NAV2: variants seen among roughly 807,000 people sequenced by gnomAD.
NAV2 encodes neuron navigator 2, also known as helicase, APC down-regulated 1.
NAV2 carries 54 observed loss-of-function variants against 223.2 expected under a neutral mutation model. The observed-to-expected ratio is 0.24, with a 90% confidence interval of 0.19 to 0.30. NAV2 has a LOEUF of 0.30. NAV2 is among the 10% of genes least tolerant of loss of function. The pLI is 1.00. For synonymous variants in NAV2, 1,279 were observed against 1,239.3 expected, an observed-to-expected ratio of 1.03 and a Z score of -0.67; for missense variants, 2,806 against 3,147.5, an observed-to-expected ratio of 0.89 and a Z score of 2.60.
At chr11:19,897,886 T>TATATATATA (rs1555129987) in intron 6 of NAV2, among the ~76,000 whole-genome samples, 16 of 120,674 alleles carry the variant, frequency 1.3e-4, no homozygotes, top group African/African-American at 5.4e-4. Context: ...GACCTGTGAT[T>TATATATATA]TATATATATA....
intron 1 of NAV2, among the ~76,000 whole-genome samples, chr11:19,527,525 C>G (rs2043879459): frequency 6.6e-6 from 1 of 152,126 alleles, no homozygotes; most frequent in Non-Finnish European, 1.5e-5. Context: ...AGGCACCAGT[C>G]CAATGAGCTT....
intron 5 of NAV2, among the ~76,000 whole-genome samples, chr11:19,880,934 A>G (rs550137996): frequency 1.3e-5 from 2 of 152,250 alleles, no homozygotes; most frequent in Non-Finnish European, 2.9e-5. Flanking sequence ...CTTTTAAGCC[A>G]CAAGACTTCA....
At chr11:20,075,393 T>TTTTG (rs965281711) in intron 22 of NAV2, among the ~76,000 whole-genome samples, 1 of 143,596 alleles carries the variant, frequency 7.0e-6, no homozygotes, top group South Asian at 2.5e-4. Context: ...CCAGCTAGTT[T>TTTTG]TTTGTTTGTT....
intron 1 of NAV2, among the ~76,000 whole-genome samples, chr11:19,783,271 T>C (rs1190714641): frequency 2.0e-5 from 3 of 152,214 alleles, no homozygotes; most frequent in East Asian, 1.9e-4. Context: ...ATCCAGTCCA[T>C]TGGTGGATGA....
chr11:19,566,937 A>G (rs12287567), intron 1 of NAV2, among the ~76,000 whole-genome samples: 2 of 152,146 alleles, frequency 1.3e-5, no homozygotes, highest in African/African-American at 4.8e-5. Context: ...ATTTGTTTGC[A>G]TTTATTTGTT....
chr11:19,872,453 G>A (rs1250657044), intron 4 of NAV2, among the ~76,000 whole-genome samples: 1 of 152,254 alleles, frequency 6.6e-6, no homozygotes, highest in Non-Finnish European at 1.5e-5. Flanking sequence ...GTGTGCTACT[G>A]CACATTACTG....
intron 1 of NAV2, among the ~76,000 whole-genome samples, chr11:19,821,764 G>A (rs974597869): frequency 6.6e-6 from 1 of 152,230 alleles, no homozygotes; most frequent in Non-Finnish European, 1.5e-5. Context: ...TGAGTGACAA[G>A]TGGCCAGCCC....
At chr11:19,991,306 G>A (rs2051308817) in intron 11 of NAV2, among the ~76,000 whole-genome samples, 1 of 151,816 alleles carries the variant, frequency 6.6e-6, no homozygotes, top group Non-Finnish European at 1.5e-5. Flanking sequence ...TTGCATTTTT[G>A]TAGAGACAGG....
At chr11:19,751,054 T>C (rs2053765414) in intron 1 of NAV2, among the ~76,000 whole-genome samples, 1 of 152,230 alleles carries the variant, frequency 6.6e-6, no homozygotes, top group Admixed American at 6.5e-5. Context: ...AGTGACATCA[T>C]GTTGCTAGCT....
intron 29 of NAV2, among the ~76,000 whole-genome samples, chr11:20,093,999 G>A (rs2061042258): frequency 6.6e-6 from 1 of 152,126 alleles, no homozygotes; most frequent in Non-Finnish European, 1.5e-5. Flanking sequence ...GTTTCAGACA[G>A]CTAGGGAACC....
chr11:19,734,835 G>A (rs1179762262), intron 1 of NAV2, among the ~76,000 whole-genome samples: 1 of 152,164 alleles, frequency 6.6e-6, no homozygotes, highest in Admixed American at 6.5e-5. Context: ...TCTTAGCCAA[G>A]TATGCCATGG....
At chr11:19,500,950 A>G (rs2042944991) in intron 1 of NAV2, among the ~76,000 whole-genome samples, 1 of 152,216 alleles carries the variant, frequency 6.6e-6, no homozygotes, top group Non-Finnish European at 1.5e-5. Flanking sequence ...GAAGTCTGAC[A>G]GCGTCTCACT....
chr11:20,019,008 A>T (rs2054257325), intron 11 of NAV2, among the ~76,000 whole-genome samples: 1 of 152,222 alleles, frequency 6.6e-6, no homozygotes, highest in South Asian at 2.1e-4. Context: ...AAGCCAGATC[A>T]CATCAGGGCT....
chr11:19,652,775 G>A (rs561318032), intron 1 of NAV2, among the ~76,000 whole-genome samples: 3 of 152,276 alleles, frequency 2.0e-5, no homozygotes, highest in East Asian at 3.9e-4. Context: ...AGCTTTTTTA[G>A]CATAAATGGA....
intron 3 of NAV2, among the ~76,000 whole-genome samples, chr11:19,845,881 G>A (rs1014874820): frequency 5.9e-5 from 9 of 152,208 alleles, no homozygotes; most frequent in African/African-American, 1.9e-4. Context: ...CAGTCACAGA[G>A]TGCCTACTAA....
In NAV2 at chr11:19,837,622, C is replaced by T. The variant is rs545595405; in HGVS notation, c.385+5021C>T. ...TATATGCCAGTCAGGGATGGAAAAC[C>T]TGAAACTAATCATAAGGAATCTCAG... On this transcript the variant is annotated intron_variant, in intron 2 of 37. Coordinates refer to ENST00000349880, the MANE Select transcript of NAV2 (RefSeq NM_145117.5). Among the ~76,000 whole-genome samples the T allele has an allele frequency of 1.5e-3, 234 of 152,144 alleles. 2 individuals carry two copies. The highest frequency in any genetic ancestry group is 5.3e-3 in the African/African-American group (220 of 41,502).
chr11:19,670,786 G>A (rs1030988214), intron 1 of NAV2, among the ~76,000 whole-genome samples: 3 of 152,218 alleles, frequency 2.0e-5, no homozygotes, highest in Non-Finnish European at 2.9e-5. Context: ...GAGCCCACAG[G>A]AAATTATTAA....
intron 3 of NAV2, among the ~76,000 whole-genome samples, chr11:19,854,978 C>A (rs1461479114): frequency 2.0e-4 from 30 of 152,100 alleles, no homozygotes; most frequent in Admixed American, 2.0e-3. Context: ...GTTGTTAATG[C>A]CCCATGTTTG....
chr11:19,868,828 T>C, intron 3 of NAV2, 97 bp from the exon 4 acceptor site: 1 of 1,278,730 alleles, frequency 7.8e-7, no homozygotes, highest in Non-Finnish European at 1.1e-6. Flanking sequence ...TCATCGGCCG[T>C]TTTTACAGCA....
Sources: gnomAD v4.1 joint callset for allele counts (sites outside exome capture counted in the v4.1 genomes callset) on GRCh38, gnomAD v4.1.1 for gene constraint, MANE v1.5 for transcripts, NCBI Gene and HGNC (gene_info 2026-07-23, HGNC 2026-07-21) for gene names.